Variants in MRPS35 observed in about 807,000 individuals in gnomAD.
MRPS35 encodes the protein mitochondrial ribosomal protein S35, also known as small ribosomal subunit protein mS35.
A neutral mutation model predicts 32.7 loss-of-function variants in MRPS35; 29 were observed. The ratio of observed to expected loss-of-function variants is 0.89; its 90% CI spans 0.66 to 1.21. The LOEUF is 1.21. MRPS35 is among the 50% of genes most tolerant of loss of function. The pLI is 0.00. For synonymous variants in MRPS35, 148 were observed against 139.3 expected (o/e 1.06, Z -0.44); for missense variants, 373 against 383.8 (o/e 0.97, Z 0.23).
chr12:27,755,070 T>G (rs1329327206), intron 7 of MRPS35, 111 bp from the exon 8 acceptor site: 1 of 1,292,132 alleles, frequency 7.7e-7, no homozygotes, highest in Non-Finnish European at 1.0e-6. Context: ...AAACTTCTCT[T>G]CCCTTAAAAA....
intron 5 of MRPS35, among the ~76,000 whole-genome samples, chr12:27,726,608 C>T (rs954596038): frequency 7.9e-5 from 12 of 152,130 alleles, no homozygotes; most frequent in Admixed American, 5.2e-4. Context: ...CACTATTTTA[C>T]AATTTCACCA....
chr12:27,748,971 TAGTG>T (rs2061990607), intron 7 of MRPS35, among the ~76,000 whole-genome samples: 1 of 152,114 alleles, frequency 6.6e-6, no homozygotes, highest in African/African-American at 2.4e-5. Flanking sequence ...ATGGGCAACA[TAGTG>T]AGACTCCACC....
At chr12:27,730,565 T>A (rs1319606377) in intron 5 of MRPS35, among the ~76,000 whole-genome samples, 1 of 152,158 alleles carries the variant, frequency 6.6e-6, no homozygotes, top group East Asian at 1.9e-4. Context: ...TCCTCCCACC[T>A]TTGTTTCCCC....
intron 7 of MRPS35, 83 bp downstream of exon 7, chr12:27,737,691 C>T (rs1237378186): frequency 7.3e-6 from 8 of 1,089,300 alleles, no homozygotes; most frequent in Non-Finnish European, 9.7e-6. Flanking sequence ...GTGGCAAGTA[C>T]TCAACTGAGT....
At chr12:27,719,095 GA>G (rs2061862456) in intron 3 of MRPS35, among the ~76,000 whole-genome samples, 1 of 151,666 alleles carries the variant, frequency 6.6e-6, no homozygotes, top group Admixed American at 6.6e-5. Flanking sequence ...TCAGAAAAAA[GA>G]AAAAAACAAA....
intron 5 of MRPS35, among the ~76,000 whole-genome samples, chr12:27,731,417 A>G (rs181533949): frequency 1.2e-3 from 179 of 152,326 alleles, no homozygotes; most frequent in Non-Finnish European, 1.8e-3. Context: ...TTGAAAATCT[A>G]TGCAACCATT....
chr12:27,721,351 T>C (rs2061874048), intron 4 of MRPS35, among the ~76,000 whole-genome samples: 1 of 152,172 alleles, frequency 6.6e-6, no homozygotes, highest in Non-Finnish European at 1.5e-5. Flanking sequence ...AGATTAAAAC[T>C]GATCACTTCC....
chr12:27,741,959 T>C (rs1399523771), intron 7 of MRPS35, among the ~76,000 whole-genome samples: 1 of 152,190 alleles, frequency 6.6e-6, no homozygotes, highest in Non-Finnish European at 1.5e-5. Context: ...TTCTGAAAAG[T>C]CATGTAACAA....
chr12:27,753,639 C>A (rs2140787491), intron 7 of MRPS35, among the ~76,000 whole-genome samples: 1 of 152,182 alleles, frequency 6.6e-6, no homozygotes, highest in South Asian at 2.1e-4. Context: ...TATTTTGCCA[C>A]CTTTAAAAGT....
intron 7 of MRPS35, among the ~76,000 whole-genome samples, chr12:27,742,328 C>A (rs2061966901): frequency 6.6e-6 from 1 of 152,280 alleles, no homozygotes; most frequent in East Asian, 1.9e-4. Context: ...CATTCAACAA[C>A]TATTTAGTTC....
intron 3 of MRPS35, among the ~76,000 whole-genome samples, chr12:27,716,878 C>T (rs1457386421): frequency 6.6e-6 from 1 of 152,028 alleles, no homozygotes; most frequent in Non-Finnish European, 1.5e-5. Flanking sequence ...GTAATCCCAG[C>T]TACTTGGGAG....
intron 7 of MRPS35, among the ~76,000 whole-genome samples, chr12:27,746,023 CAT>C (rs1236857065): frequency 2.6e-5 from 4 of 152,150 alleles, no homozygotes; most frequent in Non-Finnish European, 5.9e-5. Flanking sequence ...CCACAGTAAA[CAT>C]ATGTGTGCAT....
rs202170958 is a variant in MRPS35, at chr12:27,710,914, C to T, written c.71C>T (p.Thr24Ile). ...GCAAGGACTCTGCGTGCATTCTCCA[C>T]TGCCGTCTACTCGGCCACTCCGGTC... ...SRARTLRAFSTAVYSATPVPT... is the reference protein window; with the variant it reads ...SRARTLRAFSIAVYSATPVPT... The change falls in exon 1 of 8, where the codon ACT becomes ATT. Residue 24 changes from threonine to isoleucine, a missense_variant. Transcript: ENST00000081029. The T allele has an allele frequency of 2.0e-5, 32 of 1,613,330 alleles. No individual in the cohort carries two copies. In the African/African-American group the frequency reaches 3.5e-4, roughly 17 times the overall value.
rs1197806590 is a variant in MRPS35, at chr12:27,719,559, G to A, written c.322-249G>A. Among the ~76,000 whole-genome samples the A allele has an allele frequency of 4.6e-5, 7 of 151,602 alleles. No homozygotes were observed. The South Asian group carries it at 6.2e-4, about 14-fold the overall frequency. ...CGGGCGCCTGTAGTCCCAGCTACTC[G>A]GGAGGCTGAGGCAGGAGAATGGCGT... On this transcript the variant is annotated intron_variant, in intron 3 of 7. Coordinates refer to ENST00000081029, the MANE Select transcript of MRPS35 (RefSeq NM_021821.4).
At chr12:27,715,293 G>C (rs960193550) in intron 2 of MRPS35, among the ~76,000 whole-genome samples, 3 of 152,084 alleles carry the variant, frequency 2.0e-5, no homozygotes, top group Admixed American at 2.0e-4. Flanking sequence ...ACACCTCCAT[G>C]CCTGGCTAAT....
In MRPS35 at chr12:27,737,430, G is replaced by A. The variant is rs975143755; in HGVS notation, c.633-109G>A. ...AAAACAGTTTTCCTAAAGCAGAAAAGGAATACCTGAAAACATTATCTTCTG... is the reference window on the plus strand; with the variant it reads ...AAAACAGTTTTCCTAAAGCAGAAAAAGAATACCTGAAAACATTATCTTCTG... On this transcript the variant is annotated intron_variant, in intron 6 of 7. Coordinates refer to ENST00000081029, the MANE Select transcript of MRPS35 (RefSeq NM_021821.4). The A allele has an allele frequency of 1.6e-4, 119 of 747,716 alleles. No homozygotes were observed. The African/African-American group carries it at 2.0e-3, about 13-fold the overall frequency. The allele number at this position is 747,716 out of a possible 1,614,324, so 46.3% of individuals were successfully genotyped here.
chr12:27,749,645 C>T (rs1022157534), intron 7 of MRPS35, among the ~76,000 whole-genome samples: 2 of 152,124 alleles, frequency 1.3e-5, no homozygotes, highest in African/African-American at 4.8e-5. Flanking sequence ...TTTGTGGAAC[C>T]CCTTACTCCC....
At chr12:27,722,886 G>A (rs956371245) in intron 4 of MRPS35, among the ~76,000 whole-genome samples, 6 of 152,186 alleles carry the variant, frequency 3.9e-5, no homozygotes, top group African/African-American at 1.4e-4. Flanking sequence ...GCCTAAATGA[G>A]AGCAAAATAT....
At chr12:27,733,034 A>ATC (rs1433797132) in intron 5 of MRPS35, among the ~76,000 whole-genome samples, 58 of 62,056 alleles carry the variant, frequency 9.3e-4, no homozygotes, top group South Asian at 8.0e-3. Flanking sequence ...ATATATATAT[A>ATC]TATATATCCA....
Sources: gnomAD v4.1 joint callset for allele counts (sites outside exome capture counted in the v4.1 genomes callset) on GRCh38, gnomAD v4.1.1 for gene constraint, MANE v1.5 for transcripts, NCBI Gene and HGNC (gene_info 2026-07-23, HGNC 2026-07-21) for gene names.